Variants in C3orf49 observed in about 807,000 individuals in gnomAD.
C3orf49 encodes putative uncharacterized protein C3orf49.
C3orf49 carries 27 observed loss-of-function variants against 13.3 expected under a neutral mutation model. The observed-to-expected ratio is 2.02, with a 90% CI of 1.49 to 2.79. C3orf49 has a LOEUF of 2.79. Among genes scored for constraint, C3orf49 ranks in the 30% most tolerant of loss-of-function variants. C3orf49 has a pLI of 0.00. For synonymous variants in C3orf49, 87 were observed against 47.6 expected (o/e 1.83, Z -3.40); for missense variants, 242 against 134.2 (o/e 1.80, Z -3.97).
chr3:63,845,903 CA>C (rs1385295131), intron 6 of C3orf49, among the ~76,000 whole-genome samples: 1 of 152,100 alleles, frequency 6.6e-6, no homozygotes, highest in East Asian at 1.9e-4. Flanking sequence ...ATTATGATGC[CA>C]TTACATGGAA....
At chr3:63,786,623 A>G in the C3orf49 span, among the ~76,000 whole-genome samples, 1 of 152,248 alleles carries the variant, frequency 6.6e-6, no homozygotes, top group Admixed American at 6.5e-5. Flanking sequence ...GGCACAGGCA[A>G]TATTTTATCA....
the C3orf49 span, among the ~76,000 whole-genome samples, chr3:63,797,904 G>A: frequency 2.6e-5 from 4 of 152,158 alleles, no homozygotes; most frequent in East Asian, 5.8e-4. Flanking sequence ...ATCCAGACTC[G>A]TTACATTGTC....
intron 2 of C3orf49, among the ~76,000 whole-genome samples, chr3:63,825,498 T>G (rs139475617): frequency 1.6e-4 from 25 of 152,314 alleles, no homozygotes; most frequent in African/African-American, 6.0e-4. Flanking sequence ...GGGCTGGAAT[T>G]GAAGAATCCA....
At chr3:63,812,599 T>C in the C3orf49 span, among the ~76,000 whole-genome samples, 1 of 152,250 alleles carries the variant, frequency 6.6e-6, no homozygotes, top group African/African-American at 2.4e-5. Context: ...ATTTTTTTTG[T>C]TGTTGTGAAT....
the C3orf49 span, among the ~76,000 whole-genome samples, chr3:63,809,950 C>A: frequency 6.6e-6 from 1 of 152,014 alleles, no homozygotes; most frequent in African/African-American, 2.4e-5. Flanking sequence ...TAGTTCAAGA[C>A]GAGCCTGGCT....
At chr3:63,835,923 G>A (rs959625336) in intron 5 of C3orf49, among the ~76,000 whole-genome samples, 1 of 151,846 alleles carries the variant, frequency 6.6e-6, no homozygotes, top group Non-Finnish European at 1.5e-5. Flanking sequence ...TTATTATTCT[G>A]TATGTGTTTC....
upstream of C3orf49, among the ~76,000 whole-genome samples, chr3:63,816,548 C>T (rs1275496264): frequency 6.6e-6 from 1 of 151,626 alleles, no homozygotes; most frequent in Non-Finnish European, 1.5e-5. Flanking sequence ...TGCCACTGCA[C>T]TCCAGCCTGG....
rs756154427 is a variant in C3orf49, at chr3:63,838,374, A to G, written c.849+6530A>G. 7.3e-6 allele frequency: 11 copies of G among 1,498,560 alleles called. No homozygotes were observed. In the South Asian group the frequency reaches 1.3e-4, roughly 18 times the overall value. 92.8% of individuals were successfully genotyped at this position (1,498,560 alleles called of 1,614,324 possible). On this transcript the variant is annotated intron_variant, in intron 5 of 6. Coordinates refer to ENST00000295896, the MANE Select transcript of C3orf49 (RefSeq NM_001355236.2). ...ATAGAAACATTAAGATTCTTTACCT[A>G]TTTCCTTGTAAATTTTTTCATAATT...
chr3:63,828,213 T>A (rs1477231135), intron 3 of C3orf49, among the ~76,000 whole-genome samples: 1 of 152,256 alleles, frequency 6.6e-6, no homozygotes, highest in African/African-American at 2.4e-5. Context: ...AATAGCCATA[T>A]GTACAACACA....
At chr3:63,836,483 A>T (rs1360006907) in intron 5 of C3orf49, 1 of 832,092 alleles carries the variant, frequency 1.2e-6, no homozygotes, top group African/African-American at 1.7e-5. Flanking sequence ...GAAATCACTG[A>T]AAGATGAGTA....
At chr3:63,791,467 A>C in the C3orf49 span, among the ~76,000 whole-genome samples, 2 of 152,194 alleles carry the variant, frequency 1.3e-5, no homozygotes, top group Non-Finnish European at 2.9e-5. Context: ...GCTCAGGTTC[A>C]GTTAGTGATG....
chr3:63,832,495 C>T (rs145700378), intron 5 of C3orf49, among the ~76,000 whole-genome samples: 16 of 151,908 alleles, frequency 1.1e-4, no homozygotes, highest in Middle Eastern at 6.8e-3. Context: ...TCTGTCACTA[C>T]GAAAAATTTT....
chr3:63,794,315 C>A, the C3orf49 span, among the ~76,000 whole-genome samples: 2 of 152,000 alleles, frequency 1.3e-5, no homozygotes, highest in South Asian at 4.2e-4. Flanking sequence ...TGACAGTAGG[C>A]CCTCCACTCA....
chr3:63,801,686 G>C, the C3orf49 span, among the ~76,000 whole-genome samples: 1 of 152,156 alleles, frequency 6.6e-6, no homozygotes, highest in South Asian at 2.1e-4. Context: ...CCCAGCGTCA[G>C]CCATTTATCA....
rs1168659167 is a variant in C3orf49, at chr3:63,837,903, C to T, written c.849+6059C>T. 8.8e-6 allele frequency: 12 copies of T among 1,370,802 alleles called. No homozygotes were observed. The South Asian group carries it at 1.4e-4, about 16-fold the overall frequency. The allele number at this position is 1,370,802 out of a possible 1,614,324, so 84.9% of individuals were successfully genotyped here. ...GATTCAGGCTGCAGATTTTACCTCA[C>T]AACATTAAAAACTGCATGAAAACTG... On this transcript the variant is annotated intron_variant, in intron 5 of 6. Transcript: ENST00000295896.
chr3:63,827,688 G>A lies in C3orf49; in HGVS notation c.533G>A (p.Arg178Gln), dbSNP rs1701483122. ...CTTCGGGCCAGGAGAACCACCAAGCGGTTATCTGTGACATCTCTTCCTTCA... is the reference window on the plus strand; with the variant it reads ...CTTCGGGCCAGGAGAACCACCAAGCAGTTATCTGTGACATCTCTTCCTTCA... ...TLLRARRTTK[R>Q]LSVTSLPSGL... The change falls in exon 3 of 7, where the codon CGG becomes CAG. Residue 178 changes from arginine (R) to glutamine (Q), a missense_variant. Arg to Gln is a conservative substitution (Grantham distance 43). Coordinates refer to ENST00000295896, the MANE Select transcript of C3orf49 (RefSeq NM_001355236.2). 1.1e-5 allele frequency: 8 copies of A among 702,874 alleles called. No individual in the cohort carries two copies. Among genetic ancestry groups the A allele is most frequent in the Admixed American group, 2.0e-5 (1 of 49,978 alleles). 43.5% of individuals were successfully genotyped at this position (702,874 alleles called of 1,614,324 possible).
At chr3:63,797,331 T>C in the C3orf49 span, among the ~76,000 whole-genome samples, 2 of 152,084 alleles carry the variant, frequency 1.3e-5, no homozygotes, top group African/African-American at 4.8e-5. Context: ...CCAGATAATA[T>C]AAGGCTCAGA....
chr3:63,841,765 G>C (rs1701766155), intron 5 of C3orf49, among the ~76,000 whole-genome samples: 1 of 152,126 alleles, frequency 6.6e-6, no homozygotes, highest in Non-Finnish European at 1.5e-5. Flanking sequence ...CATAGTCCTT[G>C]AAGAGATTAA....
the C3orf49 span, among the ~76,000 whole-genome samples, chr3:63,808,255 CAT>C: frequency 1.3e-5 from 2 of 152,184 alleles, no homozygotes; most frequent in Non-Finnish European, 2.9e-5. Context: ...CATTCATTCT[CAT>C]AGAAAATGTA....
Sources: gnomAD v4.1 joint callset for allele counts (sites outside exome capture counted in the v4.1 genomes callset) on GRCh38, gnomAD v4.1.1 for gene constraint, MANE v1.5 for transcripts, NCBI Gene and HGNC (gene_info 2026-07-23, HGNC 2026-07-21) for gene names.